The following BCL9 variants were observed in gnomAD, a reference collection of about 807,000 sequenced individuals.
BCL9 encodes B-cell CLL/lymphoma 9 protein.
In BCL9, 25 loss-of-function variants were observed where a neutral mutation model predicts 88.5. That is an observed-to-expected ratio of 0.28 (90% CI 0.21 to 0.39). The LOEUF is 0.39. BCL9 is among the 10% of genes least tolerant of loss of function. BCL9 has a pLI of 1.00. For missense variants in BCL9, 1,817 were observed against 1,877.8 expected, an observed-to-expected ratio of 0.97 and a Z score of 0.60; for synonymous variants, 711 against 673.3, an observed-to-expected ratio of 1.06 and a Z score of -0.87.
chr1:147,609,782 T>TTC (rs1471319030), intron 3 of BCL9, among the ~76,000 whole-genome samples: 2 of 152,220 alleles, frequency 1.3e-5, no homozygotes, highest in African/African-American at 4.8e-5. Context: ...AGAACTTGAA[T>TTC]AAGTCACAGA....
chr1:147,620,026 C>T lies in BCL9; in HGVS notation c.1871C>T (p.Pro624Leu), dbSNP rs782531197. The change falls in exon 8 of 10, where the codon CCC (proline) becomes CTC (leucine). Residue 624 changes from proline to leucine, a missense_variant. Coordinates refer to ENST00000234739, the MANE Select transcript of BCL9 (RefSeq NM_004326.4). Reference protein sequence around the residue: ...GPGRGERFPNPQGLSEEMFQQ... With the variant: ...GPGRGERFPNLQGLSEEMFQQ... ...GGCCGAGGGGAACGCTTCCCAAACC[C>T]CCAAGGATTGTCTGAAGAGATGTTT... 8.7e-6 allele frequency: 14 copies of T among 1,614,160 alleles called. 1 individual carries two copies. The South Asian group carries it at 1.3e-4, about 15-fold the overall frequency.
At chr1:147,595,578 A>C (rs1347816477) in intron 1 of BCL9, among the ~76,000 whole-genome samples, 1 of 152,214 alleles carries the variant, frequency 6.6e-6, no homozygotes, top group African/African-American at 2.4e-5. Context: ...GTCTGGGTTC[A>C]CTGGTTTATG....
At chr1:147,611,019 G>A (rs1333875657) in intron 3 of BCL9, among the ~76,000 whole-genome samples, 1 of 152,254 alleles carries the variant, frequency 6.6e-6, no homozygotes, top group Admixed American at 6.5e-5. Context: ...TGTATTTGAT[G>A]TTGGTTCAAT....
At chr1:147,570,832 T>G (rs1181813774) in intron 1 of BCL9, among the ~76,000 whole-genome samples, 10 of 152,030 alleles carry the variant, frequency 6.6e-5, no homozygotes, top group Admixed American at 6.5e-4. Flanking sequence ...ATGGGGTTTC[T>G]CCATGTTGGT....
At chr1:147,598,904 T>C (rs1354245803) in intron 1 of BCL9, among the ~76,000 whole-genome samples, 1 of 152,202 alleles carries the variant, frequency 6.6e-6, no homozygotes, top group African/African-American at 2.4e-5. Flanking sequence ...ATAGCCCGAA[T>C]CTGAGCTTTG....
At chr1:147,547,261 T>C (rs887273406) in intron 1 of BCL9, among the ~76,000 whole-genome samples, 19 of 152,174 alleles carry the variant, frequency 1.2e-4, no homozygotes, top group Non-Finnish European at 2.5e-4. Flanking sequence ...GCTTCTGAAA[T>C]GTGATTGAGG....
chr1:147,619,819 T>A lies in BCL9; in HGVS notation c.1664T>A (p.Met555Lys). ...AGGGGCATGGCTCCCCACCCCAACA[T>A]GCCAGGGAGCCAGATGCGCCTCCCT... ...PPRGMAPHPN[M>K]PGSQMRLPGF... Residue 555 changes from methionine (M) to lysine (K), a missense_variant, in exon 8 of 10, where the codon ATG becomes AAG. Physicochemically the swap from Met to Lys is moderately conservative, Grantham distance 95 (BLOSUM62 -1). Transcript: ENST00000234739. This position sits in a 1 kb window ranked among gnomAD's most constrained non-coding sequence, Gnocchi z 4.1. 1.2e-6 allele frequency: 2 copies of A among 1,614,012 alleles called. No homozygotes were observed. Among genetic ancestry groups the A allele is most frequent in the Non-Finnish European group, 1.7e-6 (2 of 1,179,988 alleles).
intron 1 of BCL9, among the ~76,000 whole-genome samples, chr1:147,570,843 C>A (rs1188359729): frequency 1.3e-5 from 2 of 152,070 alleles, no homozygotes; most frequent in African/African-American, 2.4e-5. Flanking sequence ...CCATGTTGGT[C>A]AGGCTGGTCT....
chr1:147,555,939 A>G (rs1275847838), intron 1 of BCL9, among the ~76,000 whole-genome samples: 1 of 152,202 alleles, frequency 6.6e-6, no homozygotes, highest in African/African-American at 2.4e-5. Context: ...TAAATTATGT[A>G]ATTACAATAA....
chr1:147,625,671 TGTCTC>T lies in BCL9; in HGVS notation c.*713_*717del. On this transcript the variant is annotated 3_prime_UTR_variant, in exon 10 of 10. Transcript: ENST00000234739. ...GTTCAAGTGCTCTTCAGCACTGTCT[TGTCTC>T]CCAATATACCAACCCACTGGCACAT... The T allele has an allele frequency of 4.3e-6, 1 of 232,466 alleles. No individual in the cohort carries two copies. The highest frequency in any genetic ancestry group is 2.2e-5 in the African/African-American group (1 of 45,374). The allele number at this position is 232,466 out of a possible 1,614,324, so 14.4% of individuals were successfully genotyped here. A position where few individuals can be genotyped will look rare whatever the true frequency, so the allele number is the denominator to read the frequency against.
In BCL9 at chr1:147,625,198, A is replaced by G. The variant is rs1658878418; in HGVS notation, c.*239A>G. 1 of 479,064 alleles carries G rather than the reference A, an allele frequency of 2.1e-6. No homozygotes were observed. Among genetic ancestry groups the G allele is most frequent in the Non-Finnish European group, 3.6e-6 (1 of 279,296 alleles). 29.7% of individuals were successfully genotyped at this position (479,064 alleles called of 1,614,324 possible). On this transcript the variant is annotated 3_prime_UTR_variant, in exon 10 of 10. Coordinates refer to ENST00000234739, the MANE Select transcript of BCL9 (RefSeq NM_004326.4). ...TATTTTTTAAAAATTATTTTTGTGG[A>G]CTTGGGTATCAATGATGGCACCTAC... is the stretch of plus-strand genomic sequence containing the variant.
chr1:147,593,277 T>C (rs1656919982), intron 1 of BCL9, among the ~76,000 whole-genome samples: 1 of 152,246 alleles, frequency 6.6e-6, no homozygotes, highest in African/African-American at 2.4e-5. Context: ...CTATGATTGC[T>C]GATTTACTTT....
chr1:147,574,798 ATC>A (rs1656035562), intron 1 of BCL9, among the ~76,000 whole-genome samples: 1 of 152,142 alleles, frequency 6.6e-6, no homozygotes, highest in Non-Finnish European at 1.5e-5. Flanking sequence ...AAAATTTTAG[ATC>A]TGACTCACAT....
At chr1:147,589,902 A>T (rs1553199713) in intron 1 of BCL9, among the ~76,000 whole-genome samples, 1 of 152,200 alleles carries the variant, frequency 6.6e-6, no homozygotes, top group African/African-American at 2.4e-5. Context: ...ACTTTTTAAC[A>T]AACTGCTAAA....
intron 9 of BCL9, among the ~76,000 whole-genome samples, chr1:147,622,927 A>G (rs1553205706): frequency 4.0e-5 from 6 of 150,468 alleles, no homozygotes; most frequent in Non-Finnish European, 1.5e-5. Context: ...AAGCAGCCAC[A>G]GGATTTCAGA....
chr1:147,594,105 T>C (rs1294235520), intron 1 of BCL9, among the ~76,000 whole-genome samples: 3 of 152,150 alleles, frequency 2.0e-5, no homozygotes, highest in Admixed American at 1.3e-4. Flanking sequence ...GCAGAACCAG[T>C]AGGGCTTAAA....
At chr1:147,616,633 G>T (rs782799060) in intron 7 of BCL9, among the ~76,000 whole-genome samples, 1 of 152,148 alleles carries the variant, frequency 6.6e-6, no homozygotes, top group Non-Finnish European at 1.5e-5. Flanking sequence ...CGGGCATGCT[G>T]GCGGGTGCCT....
At chr1:147,575,352 C>T (rs1448549454) in intron 1 of BCL9, among the ~76,000 whole-genome samples, 1 of 152,186 alleles carries the variant, frequency 6.6e-6, no homozygotes, top group Non-Finnish European at 1.5e-5. Flanking sequence ...ATTTCATTGT[C>T]TGCCTTTCCC....
At position 147,557,676 on chromosome 1, in the gene BCL9, G is replaced by T. The variant is rs181108038; in HGVS notation, c.-478+16002G>T. Among the ~76,000 whole-genome samples, 4 of 152,112 alleles carry T rather than the reference G, an allele frequency of 2.6e-5. No homozygotes were observed. In the East Asian group the frequency reaches 7.7e-4, roughly 29 times the overall value. On this transcript the variant is annotated intron_variant, in intron 1 of 9. Coordinates refer to ENST00000234739, the MANE Select transcript of BCL9 (RefSeq NM_004326.4). ...TTGTAGAATATTTACCCTACCATAG[G>T]AAATGGGATGAGAAAAAATATGTAT...
Sources: allele counts gnomAD v4.1 joint callset (sites outside exome capture counted in the v4.1 genomes callset), GRCh38; gene constraint gnomAD v4.1.1; non-coding constraint Gnocchi (gnomAD v3.1); transcripts MANE v1.5; gene names NCBI Gene and HGNC (gene_info 2026-07-23, HGNC 2026-07-21).